Variants in TEKT4 observed in about 807,000 individuals in gnomAD.
The protein encoded by TEKT4 is tektin-4.
A neutral mutation model predicts 46.0 loss-of-function variants in TEKT4; 46 were observed. The ratio of observed to expected loss-of-function variants is 1.00; its 90% CI spans 0.79 to 1.28. TEKT4 has a LOEUF of 1.28. Among genes scored for constraint, TEKT4 ranks in the 50% most tolerant of loss-of-function variants. The pLI, the probability that TEKT4 is intolerant of heterozygous loss-of-function variation, is 0.00. For synonymous variants in TEKT4, 325 were observed against 265.8 expected (o/e 1.22, Z -2.17); for missense variants, 790 against 622.9 (o/e 1.27, Z -2.85).
Position 94,871,828 on chromosome 2 carries a change from G to T in TEKT4, c.249G>T (p.Thr83=), listed in dbSNP as rs112496617. ...AGACCCAGGCGCTGGCGCAGCGCACGCAGCAAGACTCCACGCGCACAGTGG... is the reference window on the plus strand; with the variant it reads ...AGACCCAGGCGCTGGCGCAGCGCACTCAGCAAGACTCCACGCGCACAGTGG... The part of the protein sequence containing the change: ...ATETQALAQR[T]QQDSTRTVGE... Residue 83 remains threonine, a synonymous_variant, in exon 1 of 6, where the codon ACG becomes ACT. Transcript: ENST00000295201. The T allele has an allele frequency of 6.2e-6, 10 of 1,608,148 alleles. No individual in the cohort carries two copies. Among genetic ancestry groups the T allele is most frequent in the Non-Finnish European group, 8.5e-6 (10 of 1,178,078 alleles).
intron 5 of TEKT4, 21 bp downstream of exon 5, chr2:94,875,763 G>A (rs1367826413): frequency 3.1e-6 from 5 of 1,610,048 alleles, no homozygotes; most frequent in South Asian, 2.2e-5. Context: ...GGCCTCTGAG[G>A]CAGTCCCAGG....
At position 94,874,038 on chromosome 2, in the gene TEKT4, A is replaced by T; in HGVS notation, c.643A>T (p.Thr215Ser). 2 of 1,613,760 alleles carry T rather than the reference A, an allele frequency of 1.2e-6. No individual in the cohort carries two copies. Among genetic ancestry groups the T allele is most frequent in the Non-Finnish European group, 1.7e-6 (2 of 1,179,976 alleles). Residue 215 changes from threonine (T) to serine (S), a missense_variant, in exon 3 of 6, where the codon ACC becomes TCC. Transcript: ENST00000295201. Reference protein sequence around the residue: ...DKMEAYNIDETCGRHHSQSTE... With the variant: ...DKMEAYNIDESCGRHHSQSTE... ...GATGGAGGCCTACAACATCGACGAGACCTGCGGGCGCCACCACAGCCAGAG... is the reference window on the plus strand; with the variant it reads ...GATGGAGGCCTACAACATCGACGAGTCCTGCGGGCGCCACCACAGCCAGAG...
At position 94,872,259 on chromosome 2, in the gene TEKT4, A is replaced by G. The variant is rs535566346; in HGVS notation, c.498+182A>G. On this transcript the variant is annotated intron_variant, in intron 1 of 5. Transcript: ENST00000295201. ...TGACAGGAGGCAGCTTTGCCCCAGA[A>G]GACCCCTGACTTCCAAGCAGCTGTT... The G allele has an allele frequency of 9.6e-6, 7 of 730,938 alleles. No homozygotes were observed. The East Asian group carries it at 1.9e-4, about 20-fold the overall frequency. The allele number at this position is 730,938 out of a possible 1,614,324, so 45.3% of individuals were successfully genotyped here.
chr2:94,872,767 T>G (rs1680634760), intron 1 of TEKT4: 2 of 1,259,454 alleles, frequency 1.6e-6, no homozygotes, highest in African/African-American at 3.1e-5. Context: ...AACCCTTGAG[T>G]CCCTCCCTCC....
Position 94,875,016 on chromosome 2 carries a change from C to G in TEKT4, c.936+18C>G. The G allele has an allele frequency of 1.3e-6, 2 of 1,567,816 alleles. No homozygotes were observed. Among genetic ancestry groups the G allele is most frequent in the Non-Finnish European group, 1.7e-6 (2 of 1,156,632 alleles). On this transcript the variant is annotated intron_variant, in intron 4 of 5. Transcript: ENST00000295201. ...TGCACAAGGTGGGGCACCCTGAACC[C>G]CGAAGACGGCCCCCTCTCATCACCT...
chr2:94,874,179 G>A, intron 3 of TEKT4, 71 bp downstream of exon 3: 28 of 1,555,298 alleles, frequency 1.8e-5, no homozygotes, highest in East Asian at 9.1e-5. Flanking sequence ...GGGCCCCAGC[G>A]GCGCTGCTTT....
chr2:94,873,710 T>G (rs1680686559), intron 2 of TEKT4, 120 bp downstream of exon 2: 2 of 1,406,454 alleles, frequency 1.4e-6, no homozygotes, highest in Non-Finnish European at 9.7e-7. Context: ...CAGGTCACAG[T>G]GGAGCGCAGG....
In TEKT4 at chr2:94,871,899, G is replaced by C. The variant is rs74673300; in HGVS notation, c.320G>C (p.Arg107Pro). The C allele has an allele frequency of 6.3e-7, 1 of 1,597,502 alleles. No homozygotes were observed. Among genetic ancestry groups the C allele is most frequent in the South Asian group, 1.1e-5 (1 of 89,934 alleles). The change falls in exon 1 of 6, where the codon CGT (arginine) becomes CCT (proline). Residue 107 changes from arginine (R) to proline (P), a missense_variant. Transcript: ENST00000295201. Reference sequence around the variant, plus strand: ...CACAGCTGGAAGTCGGAGCTGCAGCGTGAGATGGAGGCGCTGGCTGCGGAG... The same window carrying C: ...CACAGCTGGAAGTCGGAGCTGCAGCCTGAGATGGAGGCGCTGGCTGCGGAG... ...DTHSWKSELQ[R>P]EMEALAAETN...
chr2:94,874,420 T>C (rs1474324135), intron 3 of TEKT4, among the ~76,000 whole-genome samples: 3 of 143,862 alleles, frequency 2.1e-5, no homozygotes, highest in African/African-American at 8.0e-5. Flanking sequence ...GGCAAACTCC[T>C]GGGAGCAAAA....
In TEKT4 at chr2:94,873,526, G is replaced by T. The variant is rs782451463; in HGVS notation, c.505G>T (p.Glu169Ter). 6.2e-7 allele frequency: 1 copy of T among 1,612,202 alleles called. No individual in the cohort carries two copies. Among genetic ancestry groups the T allele is most frequent in the Non-Finnish European group, 8.5e-7 (1 of 1,180,014 alleles). Reference sequence around the variant, plus strand: ...AGGGCGTCTCCTCCCTCAGGAAGCCGAGCTCATCCGGAACATTCAGGAGCT... The same window carrying T: ...AGGGCGTCTCCTCCCTCAGGAAGCCTAGCTCATCCGGAACATTCAGGAGCT... Reference protein sequence around the residue: ...HVETELLKEAELIRNIQELLK... With the variant: ...HVETELLKEA The change falls in exon 2 of 6, where the codon GAG (glutamate) becomes TAG (stop). Residue 169 changes from glutamate (E) to a stop codon, truncating the protein, a stop_gained. Transcript: ENST00000295201. LOFTEE classifies it high-confidence loss of function.
chr2:94,872,168 T>G (rs1444389087), intron 1 of TEKT4, 91 bp downstream of exon 1: 37 of 1,433,592 alleles, frequency 2.6e-5, no homozygotes, highest in Non-Finnish European at 3.4e-5. Context: ...ACGTGGCTGC[T>G]GCAAGCACGC....
intron 3 of TEKT4, 108 bp downstream of exon 3, chr2:94,874,216 C>G: frequency 8.0e-7 from 1 of 1,256,524 alleles, no homozygotes; most frequent in Non-Finnish European, 1.1e-6. Context: ...AGGCCCTCGC[C>G]CCCGAGGGCA....
chr2:94,872,365 C>T (rs1201146023), intron 1 of TEKT4: 31 of 536,102 alleles, frequency 5.8e-5, no homozygotes, highest in Non-Finnish European at 1.0e-4. Context: ...CACAAGGCAC[C>T]TCCCCAGAGA....
intron 3 of TEKT4, among the ~76,000 whole-genome samples, 182 bp downstream of exon 3, chr2:94,874,290 T>C (rs1407803677): frequency 6.6e-6 from 1 of 152,104 alleles, no homozygotes; most frequent in Non-Finnish European, 1.5e-5. Context: ...GTCCAGCGCG[T>C]GCACAGCCTG....
intron 1 of TEKT4, chr2:94,872,789 C>T (rs782687327): frequency 9.3e-6 from 12 of 1,285,690 alleles, no homozygotes; most frequent in Non-Finnish European, 7.1e-6. Context: ...CTCATGCCTT[C>T]CCTCCTCCCT....
chr2:94,873,997 T>C lies in TEKT4; in HGVS notation c.602T>C (p.Met201Thr). 1.9e-6 allele frequency: 3 copies of C among 1,613,688 alleles called. No individual in the cohort carries two copies. The highest frequency in any genetic ancestry group is 1.1e-5 in the South Asian group (1 of 91,084). The change falls in exon 3 of 6, where the codon ATG (methionine) becomes ACG (threonine). Residue 201 changes from methionine (M) to threonine (T), a missense_variant. By Grantham distance (81) the Met-to-Thr change is moderately conservative. Transcript: ENST00000295201. The part of the protein sequence containing the change: ...LNREHKETCE[M>T]DWSDKMEAYN... ...CGGGAGCACAAGGAGACCTGCGAGA[T>C]GGACTGGTCAGACAAGATGGAGGCC...
chr2:94,875,575 G>A lies in TEKT4; in HGVS notation c.937-13G>A, dbSNP rs782614073. ...TGGGGGCACAGGCCCAAGGAGAACTGTCCTGTCTGCAGACACTGCGGGAAA... is the reference window on the plus strand; with the variant it reads ...TGGGGGCACAGGCCCAAGGAGAACTATCCTGTCTGCAGACACTGCGGGAAA... On this transcript the variant is annotated splice_polypyrimidine_tract_variant and intron_variant, in intron 4 of 5. Coordinates refer to ENST00000295201, the MANE Select transcript of TEKT4 (RefSeq NM_144705.4). 1.2e-6 allele frequency: 2 copies of A among 1,614,044 alleles called. No individual in the cohort carries two copies. Among genetic ancestry groups the A allele is most frequent in the Admixed American group, 3.3e-5 (2 of 60,026 alleles).
In TEKT4 at chr2:94,871,520, C is replaced by A; in HGVS notation, c.-60C>A. 6.7e-7 allele frequency: 1 copy of A among 1,495,718 alleles called. No individual in the cohort carries two copies. The highest frequency in any genetic ancestry group is 8.9e-7 in the Non-Finnish European group (1 of 1,123,358). The allele number at this position is 1,495,718 out of a possible 1,614,324, so 92.7% of individuals were successfully genotyped here. Reference sequence around the variant, plus strand: ...TGCCCCGCTGACCGCACTAGGCTGACCGCAACCGGCTGACCACACACAGTC... The same window carrying A: ...TGCCCCGCTGACCGCACTAGGCTGAACGCAACCGGCTGACCACACACAGTC... On this transcript the variant is annotated 5_prime_UTR_variant, in exon 1 of 6. Transcript: ENST00000295201.
intron 1 of TEKT4, 166 bp from the exon 2 acceptor site, chr2:94,873,354 G>C (rs372237582): frequency 1.4e-6 from 2 of 1,463,586 alleles, no homozygotes; most frequent in East Asian, 5.0e-5. Context: ...ATGCCCAAAA[G>C]CCCAAGATAA....
Sources: allele counts gnomAD v4.1 joint callset (sites outside exome capture counted in the v4.1 genomes callset), GRCh38; gene constraint gnomAD v4.1.1; transcripts MANE v1.5; gene names NCBI Gene and HGNC (gene_info 2026-07-23, HGNC 2026-07-21).